The following ZNF704 variants were observed in gnomAD, a reference collection of about 807,000 sequenced individuals.
The protein encoded by ZNF704 is zinc finger protein 704, also known as glucocorticoid induced gene 1.
In ZNF704, 10 loss-of-function variants were observed where a neutral mutation model predicts 44.7. The ratio of observed to expected loss-of-function variants is 0.22; its 90% confidence interval spans 0.14 to 0.38. The LOEUF (loss-of-function observed/expected upper bound fraction) is 0.38. ZNF704 is among the 10% of genes least tolerant of loss of function. The pLI, the probability that ZNF704 is intolerant of heterozygous loss-of-function variation, is 1.00. For synonymous variants in ZNF704, 211 were observed against 207.6 expected (o/e 1.02, Z -0.14); for missense variants, 390 against 545.5 (o/e 0.71, Z 2.84).
intron 2 of ZNF704, among the ~76,000 whole-genome samples, chr8:80,802,324 A>T (rs1485618266): frequency 1.3e-5 from 2 of 152,192 alleles, no homozygotes; most frequent in African/African-American, 4.8e-5. Flanking sequence ...ACTCCTCCCT[A>T]ACTCATTCTA....
chr8:80,782,702 G>A (rs1044540277), intron 2 of ZNF704, among the ~76,000 whole-genome samples: 4 of 152,182 alleles, frequency 2.6e-5, no homozygotes, highest in African/African-American at 9.6e-5. Context: ...GTTTCATTAA[G>A]GACATCTGAG....
chr8:80,777,362 T>C (rs1807431521), intron 2 of ZNF704, among the ~76,000 whole-genome samples: 1 of 152,190 alleles, frequency 6.6e-6, no homozygotes, highest in South Asian at 2.1e-4. Flanking sequence ...CAGCCTTCAG[T>C]ACTATTTTTA....
chr8:80,781,559 A>G (rs1807523358), intron 2 of ZNF704, among the ~76,000 whole-genome samples: 1 of 152,228 alleles, frequency 6.6e-6, no homozygotes, highest in South Asian at 2.1e-4. Context: ...ACCTCAGCTT[A>G]AAAGTGCTGC....
At chr8:80,769,269 T>G (rs1369683822) in intron 2 of ZNF704, among the ~76,000 whole-genome samples, 2 of 152,206 alleles carry the variant, frequency 1.3e-5, no homozygotes, top group African/African-American at 4.8e-5. Context: ...TTAAACTTTT[T>G]ATTTTGAGAT....
chr8:80,642,507 G>T (rs1312634030), intron 8 of ZNF704, among the ~76,000 whole-genome samples: 3 of 152,170 alleles, frequency 2.0e-5, no homozygotes, highest in African/African-American at 7.2e-5. Flanking sequence ...GGACTGAGCT[G>T]GATGGCACGA....
At chr8:80,665,472 A>G (rs972360906) in intron 5 of ZNF704, among the ~76,000 whole-genome samples, 1 of 136,568 alleles carries the variant, frequency 7.3e-6, no homozygotes, top group African/African-American at 2.7e-5. Context: ...AAGCTAAATA[A>G]TGTGTATACA....
intron 8 of ZNF704, among the ~76,000 whole-genome samples, 197 bp downstream of exon 8, chr8:80,642,838 T>C (rs1046471007): frequency 2.0e-5 from 3 of 152,162 alleles, no homozygotes; most frequent in African/African-American, 7.2e-5. Flanking sequence ...AACCTTATTG[T>C]AAATCATTAC....
At chr8:80,717,957 T>C (rs1819098188) in intron 2 of ZNF704, among the ~76,000 whole-genome samples, 1 of 152,218 alleles carries the variant, frequency 6.6e-6, no homozygotes. Context: ...AATGTGTTAG[T>C]GTGCAAAGGT....
In ZNF704 at chr8:80,776,129, T is replaced by C. The variant is rs192182474; in HGVS notation, c.221+45245A>G. Among the ~76,000 whole-genome samples the C allele has an allele frequency of 2.4e-3, 362 of 152,018 alleles. 2 individuals carry two copies. The highest frequency in any genetic ancestry group is 4.4e-3 in the Non-Finnish European group (301 of 67,954). ...CATTATTGCTAAATATTTAGCTCAC[T>C]TGCAGTGTTTCACTTCTATAAATAA... On this transcript the variant is annotated intron_variant, in intron 2 of 8. Coordinates refer to ENST00000327835, the MANE Select transcript of ZNF704 (RefSeq NM_001033723.3).
intron 2 of ZNF704, among the ~76,000 whole-genome samples, chr8:80,765,175 G>C (rs938306267): frequency 1.3e-5 from 2 of 152,164 alleles, no homozygotes; most frequent in Non-Finnish European, 2.9e-5. Context: ...CCAAAGGCTG[G>C]TGAGCCTAAT....
At chr8:80,836,611 TA>T (rs1380255526) in intron 1 of ZNF704, among the ~76,000 whole-genome samples, 1 of 151,848 alleles carries the variant, frequency 6.6e-6, no homozygotes, top group African/African-American at 2.4e-5. Flanking sequence ...CCCCCGTCTC[TA>T]CAAAAAATTA....
chr8:80,871,802 G>A (rs900197488), intron 1 of ZNF704, among the ~76,000 whole-genome samples: 4 of 152,166 alleles, frequency 2.6e-5, no homozygotes, highest in Admixed American at 6.5e-5. Flanking sequence ...GTCTTTAAAA[G>A]AGTAATTTAA....
At position 80,647,050 on chromosome 8, in the gene ZNF704, A is replaced by G. The variant is rs138564855; in HGVS notation, c.1033-3921T>C. 6.6e-3 allele frequency among the ~76,000 whole-genome samples: 1,008 copies of G among 152,322 alleles called. 12 individuals are homozygous for G. Among genetic ancestry groups the G allele is most frequent in the African/African-American group, 0.024 (978 of 41,576 alleles). On this transcript the variant is annotated intron_variant, in intron 7 of 8. Coordinates refer to ENST00000327835, the MANE Select transcript of ZNF704 (RefSeq NM_001033723.3). ...TTATTGGATACTCTTCATTCAACAG[A>G]TATTTATTAAGTACTTGCTATGTAC...
chr8:80,755,080 G>A (rs1287753961), intron 2 of ZNF704, among the ~76,000 whole-genome samples: 2 of 152,148 alleles, frequency 1.3e-5, no homozygotes, highest in Non-Finnish European at 2.9e-5. Flanking sequence ...CTTCCACAGT[G>A]TCCCTTCCCA....
intron 1 of ZNF704, among the ~76,000 whole-genome samples, chr8:80,857,488 C>T (rs1036230350): frequency 1.3e-5 from 2 of 152,068 alleles, no homozygotes; most frequent in African/African-American, 4.8e-5. Context: ...TGGTGTTACC[C>T]TTTCAATCTA....
chr8:80,718,015 G>A (rs961757109), intron 2 of ZNF704, among the ~76,000 whole-genome samples: 2 of 152,152 alleles, frequency 1.3e-5, no homozygotes, highest in Admixed American at 1.3e-4. Flanking sequence ...ATTCTCAAAT[G>A]AACCCAAAAT....
chr8:80,821,663 T>C, intron 1 of ZNF704, 48 bp from the exon 2 acceptor site: 13 of 1,435,394 alleles, frequency 9.1e-6, no homozygotes, highest in Non-Finnish European at 1.3e-5. Context: ...ACATCACCTT[T>C]GTACGACTAC....
At chr8:80,787,775 G>A (rs1807639590) in intron 2 of ZNF704, among the ~76,000 whole-genome samples, 1 of 151,990 alleles carries the variant, frequency 6.6e-6, no homozygotes, top group African/African-American at 2.4e-5. Flanking sequence ...AGTTCACATT[G>A]CACCTTATAA....
intron 2 of ZNF704, among the ~76,000 whole-genome samples, chr8:80,732,515 G>C (rs1169482733): frequency 1.3e-5 from 2 of 152,152 alleles, no homozygotes; most frequent in African/African-American, 4.8e-5. Flanking sequence ...GGACACTCAA[G>C]CAGCCCTCTG....
Sources: allele counts gnomAD v4.1 joint callset (sites outside exome capture counted in the v4.1 genomes callset), GRCh38; gene constraint gnomAD v4.1.1; transcripts MANE v1.5; gene names NCBI Gene and HGNC (gene_info 2026-07-23, HGNC 2026-07-21).